Variants in AK2 observed in about 807,000 individuals in gnomAD.
AK2 encodes adenylate kinase 2, mitochondrial.
In AK2, 15 loss-of-function variants were observed where a neutral mutation model predicts 24.6. The ratio of observed to expected loss-of-function variants is 0.61; its 90% CI spans 0.41 to 0.94. The LOEUF (loss-of-function observed/expected upper bound fraction) is 0.94. Among genes scored for constraint, AK2 ranks in the 40% least tolerant of loss-of-function variants. The pLI, the probability that AK2 is intolerant of heterozygous loss-of-function variation, is 0.00. For synonymous variants in AK2, 102 were observed against 114.0 expected, an observed-to-expected ratio of 0.90 and a Z score of 0.67; for missense variants, 257 against 304.1, an observed-to-expected ratio of 0.85 and a Z score of 1.15.
chr1:33,028,634 CCA>C (rs1640052330), intron 1 of AK2, among the ~76,000 whole-genome samples: 1 of 152,136 alleles, frequency 6.6e-6, no homozygotes, highest in Non-Finnish European at 1.5e-5. Flanking sequence ...GGTCTGAAGC[CCA>C]CACTCAGTCA....
chr1:33,017,192 T>C (rs1639245352), intron 4 of AK2, among the ~76,000 whole-genome samples: 1 of 152,220 alleles, frequency 6.6e-6, no homozygotes, highest in South Asian at 2.1e-4. Context: ...GTTATATTTA[T>C]TGGTGGTTTT....
Position 33,014,502 on chromosome 1 carries a change from T to C in AK2, c.498+20A>G, listed in dbSNP as rs1257752229. 1.2e-6 allele frequency: 2 copies of C among 1,605,754 alleles called. No homozygotes were observed. Among genetic ancestry groups the C allele is most frequent in the Admixed American group, 1.7e-5 (1 of 59,882 alleles). ...AGGGGAAGGAAAGAAAAGGAAATTT[T>C]TTGTCCTGAGTTTACATACGTCATC... is the stretch of plus-strand genomic sequence containing the variant. On this transcript the variant is annotated intron_variant, in intron 5 of 5. Coordinates refer to ENST00000672715, the MANE Select transcript of AK2 (RefSeq NM_001625.4).
At chr1:33,020,188 AAC>A (rs56098182) in intron 4 of AK2, 55,866 of 873,088 alleles carry the variant, frequency 0.064, 391 homozygotes, top group East Asian at 0.11. Context: ...AACATGTTAA[AAC>A]ACACACACAC....
chr1:33,017,152 A>G (rs1161647786), intron 4 of AK2, among the ~76,000 whole-genome samples: 1 of 152,272 alleles, frequency 6.6e-6, no homozygotes, highest in African/African-American at 2.4e-5. Flanking sequence ...TAAAATTTGT[A>G]TTATTTTTTC....
At chr1:33,029,206 C>T (rs1242887036) in intron 1 of AK2, 2 of 152,172 alleles carry the variant, frequency 1.3e-5, no homozygotes, top group Admixed American at 6.5e-5. Flanking sequence ...CACCTTGTAA[C>T]CATCATCTTC....
At chr1:33,016,662 C>T (rs1189461761) in intron 4 of AK2, among the ~76,000 whole-genome samples, 1 of 152,076 alleles carries the variant, frequency 6.6e-6, no homozygotes, top group Non-Finnish European at 1.5e-5. Context: ...GCATGCGCCA[C>T]CATGCCTGGC....
intron 1 of AK2, chr1:33,032,308 T>A (rs1162541292): frequency 6.6e-6 from 1 of 152,332 alleles, no homozygotes; most frequent in Non-Finnish European, 1.5e-5. Flanking sequence ...TGCAAGTGAC[T>A]GCTGCCACAC....
intron 2 of AK2, among the ~76,000 whole-genome samples, chr1:33,023,963 G>A (rs1019226288): frequency 6.6e-6 from 1 of 152,176 alleles, no homozygotes; most frequent in Non-Finnish European, 1.5e-5. Flanking sequence ...CTGAGGTCAG[G>A]AGTTTGAGAC....
Position 33,011,949 on chromosome 1 carries a change from T to C in AK2, c.*1232A>G. The C allele has an allele frequency of 2.0e-6, 3 of 1,534,346 alleles. No individual in the cohort carries two copies. Among genetic ancestry groups the C allele is most frequent in the Admixed American group, 3.9e-5 (2 of 50,986 alleles). ...AAGAACATATCTGATTTCAGTTTTA[T>C]GTCCTGGAGAGAGACTGGGTTTGAA... On this transcript the variant is annotated 3_prime_UTR_variant, in exon 6 of 6. Transcript: ENST00000672715.
Position 33,013,359 on chromosome 1 carries a change from T to C in AK2, c.542A>G (p.Lys181Arg), listed in dbSNP as rs1159633756. The C allele has an allele frequency of 1.2e-6, 2 of 1,613,734 alleles. No homozygotes were observed. The highest frequency in any genetic ancestry group is 1.7e-5 in the Admixed American group (1 of 60,004). ...GGCTTGCAGGCGGATTTTCAAGGCCTTTTCATTATCATCTGATCGACGGAT... is the reference window on the plus strand; with the variant it reads ...GGCTTGCAGGCGGATTTTCAAGGCCCTTTCATTATCATCTGATCGACGGAT... ...PLIRRSDDNE[K>R]ALKIRLQAYH... Residue 181 changes from lysine (K) to arginine (R), a missense_variant, in exon 6 of 6, where the codon AAG becomes AGG. Coordinates refer to ENST00000672715, the MANE Select transcript of AK2 (RefSeq NM_001625.4).
chr1:33,026,865 C>A (rs895092319), intron 1 of AK2, among the ~76,000 whole-genome samples: 13 of 151,878 alleles, frequency 8.6e-5, no homozygotes, highest in Admixed American at 8.5e-4. Context: ...GTGGCTCACA[C>A]CTGTAATCCC....
At chr1:33,027,316 A>C (rs1298406890) in intron 1 of AK2, among the ~76,000 whole-genome samples, 1 of 152,192 alleles carries the variant, frequency 6.6e-6, no homozygotes, top group Non-Finnish European at 1.5e-5. Flanking sequence ...GCTGACCAAA[A>C]CACCACAGAG....
intron 4 of AK2, among the ~76,000 whole-genome samples, chr1:33,020,872 C>T (rs1480999391): frequency 6.8e-6 from 1 of 147,550 alleles, no homozygotes; most frequent in African/African-American, 2.5e-5. Context: ...AAGAGCCAGG[C>T]ACAGTGGCTC....
At position 33,011,871 on chromosome 1, in the gene AK2, A is replaced by G. The variant is rs1262905880; in HGVS notation, c.*1310T>C. On this transcript the variant is annotated 3_prime_UTR_variant, in exon 6 of 6. Transcript: ENST00000672715. ...GGGGAAGTCCATGGCTATAGCCATC[A>G]TAAAATTAGGGGTGAAGGGTTGGAT... is the stretch of plus-strand genomic sequence containing the variant. 6.5e-7 allele frequency: 1 copy of G among 1,527,462 alleles called. No individual in the cohort carries two copies. Among genetic ancestry groups the G allele is most frequent in the Non-Finnish European group, 8.7e-7 (1 of 1,143,400 alleles). The allele number at this position is 1,527,462 out of a possible 1,614,324, so 94.6% of individuals were successfully genotyped here. A position where few individuals can be genotyped will look rare whatever the true frequency, so the allele number is the denominator to read the frequency against.
Position 33,036,821 on chromosome 1 carries a change from G to T in AK2, c.8C>A (p.Pro3His). 6.3e-7 allele frequency: 1 copy of T among 1,592,154 alleles called. No homozygotes were observed. The change falls in exon 1 of 6, where the codon CCC becomes CAC. Residue 3 changes from proline to histidine, a missense_variant. Pro to His is a moderately conservative substitution (Grantham distance 77). Transcript: ENST00000672715. Reference sequence around the variant, plus strand: ...CTCGGGTTCTGCCGCTGGCACGCTGGGAGCCATGTCCGCCGAAGTCTCTCA... The same window carrying T: ...CTCGGGTTCTGCCGCTGGCACGCTGTGAGCCATGTCCGCCGAAGTCTCTCA... MA[P>H]SVPAAEPEYP... is the part of the protein sequence containing the mutation.
chr1:33,031,489 T>C, intron 1 of AK2: 1 of 429,798 alleles, frequency 2.3e-6, no homozygotes, highest in South Asian at 1.6e-5. Flanking sequence ...AATGGGTGAC[T>C]ATGTTGTAAT....
chr1:33,009,679 TG>T lies in AK2; in HGVS notation c.*3501del, dbSNP rs1033167103. On this transcript the variant is annotated 3_prime_UTR_variant, in exon 6 of 6. Coordinates refer to ENST00000672715, the MANE Select transcript of AK2 (RefSeq NM_001625.4). ...TGGCTGGGATTTGTCCTAGGTCCCC[TG>T]AACTCCAAGCACAGTGCTATCTCCA... 2 of 454,136 alleles carry T rather than the reference TG, an allele frequency of 4.4e-6. No individual in the cohort carries two copies. The highest frequency in any genetic ancestry group is 8.8e-6 in the Non-Finnish European group (2 of 226,788). The allele number at this position is 454,136 out of a possible 1,614,324, so 28.1% of individuals were successfully genotyped here.
chr1:33,008,374 G>A lies in AK2; in HGVS notation c.*4807C>T, dbSNP rs895675521. ...AGGAAAGACTTGTGAGGCTTCTGAG[G>A]AGGCTGCTCTCCATCCTGCTGTGTT... On this transcript the variant is annotated 3_prime_UTR_variant, in exon 6 of 6. Coordinates refer to ENST00000672715, the MANE Select transcript of AK2 (RefSeq NM_001625.4). 2.2e-6 allele frequency: 1 copy of A among 454,002 alleles called. No homozygotes were observed. The highest frequency in any genetic ancestry group is 4.4e-6 in the Non-Finnish European group (1 of 226,790). 28.1% of individuals were successfully genotyped at this position (454,002 alleles called of 1,614,324 possible).
chr1:33,013,033 C>T lies in AK2; in HGVS notation c.*148G>A, dbSNP rs1330555373. 1.9e-6 allele frequency: 3 copies of T among 1,598,148 alleles called. No individual in the cohort carries two copies. Among genetic ancestry groups the T allele is most frequent in the Non-Finnish European group, 2.5e-6 (3 of 1,178,880 alleles). On this transcript the variant is annotated 3_prime_UTR_variant, in exon 6 of 6. Transcript: ENST00000672715. Reference sequence around the variant, plus strand: ...CATACACACAGATGAGAGTAGCACACACGCCAAAGATACATCAAGCAAGTG... The same window carrying T: ...CATACACACAGATGAGAGTAGCACATACGCCAAAGATACATCAAGCAAGTG...
Sources: allele counts gnomAD v4.1 joint callset (sites outside exome capture counted in the v4.1 genomes callset), GRCh38; gene constraint gnomAD v4.1.1; transcripts MANE v1.5; gene names NCBI Gene and HGNC (gene_info 2026-07-23, HGNC 2026-07-21).